RAVER1: variants seen among roughly 807,000 people sequenced by gnomAD.
RAVER1 encodes ribonucleoprotein PTB-binding 1.
In RAVER1, 36 loss-of-function variants were observed where a neutral mutation model predicts 68.4. That is an observed-to-expected ratio of 0.53 (90% confidence interval 0.40 to 0.70). The LOEUF (loss-of-function observed/expected upper bound fraction) is 0.70. Ranked by LOEUF, RAVER1 falls within the 30% of genes least tolerant of loss-of-function variation. The probability of loss-of-function intolerance (pLI) is 0.00; values close to 1 mark genes in which losing one functional copy is unlikely to be tolerated. For missense variants in RAVER1, 933 were observed against 1,019.8 expected (o/e 0.91, Z 1.16); for synonymous variants, 469 against 472.7 (o/e 0.99, Z 0.10).
Position 10,329,533 on chromosome 19 carries a change from C to T in RAVER1, c.287-422G>A, listed in dbSNP as rs1034138595. On this transcript the variant is annotated intron_variant, in intron 2 of 12. Transcript: ENST00000617231. The surrounding 1 kb of genome is among the most constrained non-coding windows in gnomAD (Gnocchi z 4.6). ...CTTAATCATCACAATCACCATTTTG[C>T]CAGAGAGGAAACGGGCCCAGAGCAG... is the stretch of plus-strand genomic sequence containing the variant. Among the ~76,000 whole-genome samples, 8 of 152,080 alleles carry T rather than the reference C, an allele frequency of 5.3e-5. No homozygotes were observed. The highest frequency in any genetic ancestry group is 1.0e-4 in the Non-Finnish European group (7 of 68,002).
chr19:10,321,690 G>T, intron 6 of RAVER1, 72 bp from the exon 7 acceptor site: 1 of 1,254,374 alleles, frequency 8.0e-7, no homozygotes, highest in Non-Finnish European at 1.0e-6. Flanking sequence ...GTGGCCCAGA[G>T]TCTTGGCAGA....
At chr19:10,327,368 A>G (rs781350516) in intron 3 of RAVER1, among the ~76,000 whole-genome samples, 4 of 151,868 alleles carry the variant, frequency 2.6e-5, no homozygotes, top group African/African-American at 2.4e-5. Context: ...GAATCAGGCA[A>G]TCCTCCCACC....
rs750496424 is a variant in RAVER1 at position 10,333,455 on chromosome 19, C to T, written c.53G>A (p.Gly18Glu). Residue 18 changes from glycine to glutamate, a missense_variant, in exon 1 of 13, where the codon GGG becomes GAG. Physicochemically the swap from Gly to Glu is moderately conservative, Grantham distance 98 (BLOSUM62 -2). This residue lies in a region of RAVER1 where 211 missense variants were observed against 230.0 expected (regional missense o/e 0.92). Transcript: ENST00000617231. This position sits in a 1 kb window ranked among gnomAD's most constrained non-coding sequence, Gnocchi z 4.2. ...GGCATCGCCGGCTTCGACTTCGGCCCCAGACTTAGGGCTCAGCGGGGGCCG... is the reference window on the plus strand; with the variant it reads ...GGCATCGCCGGCTTCGACTTCGGCCTCAGACTTAGGGCTCAGCGGGGGCCG... ...THRPPLSPKS[G>E]AEVEAGDAAE... 1.2e-6 allele frequency: 2 copies of T among 1,612,482 alleles called. No homozygotes were observed. The highest frequency in any genetic ancestry group is 1.7e-5 in the Admixed American group (1 of 60,016).
rs764007691 is a variant in RAVER1, at chr19:10,323,285, G to C, written c.949-11C>G. On this transcript the variant is annotated splice_polypyrimidine_tract_variant and intron_variant, in intron 4 of 12. Coordinates refer to ENST00000617231, the MANE Select transcript of RAVER1 (RefSeq NM_133452.3). The surrounding 1 kb of genome is among the most constrained non-coding windows in gnomAD (Gnocchi z 6.2). ...CCCCCGATTGAGGGCCTGCAGGAAG[G>C]AACAGAAGCAGCTCAGAGTGCCGCT... 15 of 1,613,220 alleles carry C rather than the reference G, an allele frequency of 9.3e-6. No individual in the cohort carries two copies. In the East Asian group the frequency reaches 3.3e-4, roughly 36 times the overall value.
At position 10,323,287 on chromosome 19, in the gene RAVER1, A is replaced by G; in HGVS notation, c.949-13T>C. On this transcript the variant is annotated splice_polypyrimidine_tract_variant and intron_variant, in intron 4 of 12. Transcript: ENST00000617231. The surrounding 1 kb of genome is among the most constrained non-coding windows in gnomAD (Gnocchi z 6.2). The stretch of plus-strand genomic sequence containing the variant: ...CCCGATTGAGGGCCTGCAGGAAGGA[A>G]CAGAAGCAGCTCAGAGTGCCGCTGG... 1.9e-6 allele frequency: 3 copies of G among 1,613,252 alleles called. No homozygotes were observed. The highest frequency in any genetic ancestry group is 2.5e-6 in the Non-Finnish European group (3 of 1,179,598).
At chr19:10,332,190 G>A (rs1305537851) in intron 1 of RAVER1, among the ~76,000 whole-genome samples, 3 of 151,988 alleles carry the variant, frequency 2.0e-5, no homozygotes, top group Non-Finnish European at 4.4e-5. Context: ...AGAGATGAGG[G>A]TTTCACTATA....
chr19:10,317,625 C>CG lies in RAVER1; in HGVS notation c.2074-26dup. 1 of 934,648 alleles carries CG rather than the reference C, an allele frequency of 1.1e-6. No individual in the cohort carries two copies. The highest frequency in any genetic ancestry group is 1.6e-6 in the Non-Finnish European group (1 of 630,050). The allele number at this position is 934,648 out of a possible 1,614,324, so 57.9% of individuals were successfully genotyped here. A position where few individuals can be genotyped will look rare whatever the true frequency, so the allele number is the denominator to read the frequency against. ...TCTGGAGACAGAGGGCAGGGCGGGGCGGGTCAGGGGCCGCTGGGGGGCCGG... is the reference window on the plus strand; with the variant it reads ...TCTGGAGACAGAGGGCAGGGCGGGGCGGGGTCAGGGGCCGCTGGGGGGCCGG... On this transcript the variant is annotated intron_variant, in intron 12 of 12. Coordinates refer to ENST00000617231, the MANE Select transcript of RAVER1 (RefSeq NM_133452.3). The surrounding 1 kb of genome is among the most constrained non-coding windows in gnomAD (Gnocchi z 4.3).
At chr19:10,321,714 C>T in intron 6 of RAVER1, 96 bp from the exon 7 acceptor site, 2 of 984,500 alleles carry the variant, frequency 2.0e-6, no homozygotes, top group African/African-American at 1.7e-5. Context: ...ACCCCAACTC[C>T]AGGGCACGGC....
Position 10,322,479 on chromosome 19 carries a change from G to GTCC in RAVER1, c.1173+165_1173+166insGGA. ...TCATGAGCAATTGCCAGAGGGGGAT[G>GTCC]GGGATGTGGGTGGGAAAGGCAGGGG... On this transcript the variant is annotated intron_variant, in intron 6 of 12. Transcript: ENST00000617231. The surrounding 1 kb of genome is among the most constrained non-coding windows in gnomAD (Gnocchi z 4.3). The GTCC allele has an allele frequency of 1.8e-6, 1 of 544,810 alleles. No homozygotes were observed. The allele number at this position is 544,810 out of a possible 1,614,324, so 33.7% of individuals were successfully genotyped here.
At chr19:10,327,920 G>C (rs988823818) in intron 3 of RAVER1, among the ~76,000 whole-genome samples, 1 of 152,192 alleles carries the variant, frequency 6.6e-6, no homozygotes, top group African/African-American at 2.4e-5. Context: ...TGCCTGGCAT[G>C]TGTGGCTTGA....
Position 10,328,727 on chromosome 19 carries a change from C to T in RAVER1, c.671G>A (p.Cys224Tyr). ...GAAGCCAGGTGGCAGGCGGTCCACA[C>T]AGAGGCAGCGGGAGTGGAGAAGGGC... ...TPALLHSRCL[C>Y]VDRLPPGFND... Residue 224 changes from cysteine to tyrosine, a missense_variant, in exon 3 of 13, where the codon TGT (cysteine) becomes TAT (tyrosine). Around this residue, in one of 3 missense-constraint regions of RAVER1, gnomAD observed 699 missense variants for 731.1 expected, o/e 0.96. Coordinates refer to ENST00000617231, the MANE Select transcript of RAVER1 (RefSeq NM_133452.3). The surrounding 1 kb of genome is among the most constrained non-coding windows in gnomAD (Gnocchi z 4.4). 6.2e-7 allele frequency: 1 copy of T among 1,611,818 alleles called. No individual in the cohort carries two copies. Among genetic ancestry groups the T allele is most frequent in the East Asian group, 2.2e-5 (1 of 44,832 alleles).
chr19:10,329,138 G>C lies in RAVER1; in HGVS notation c.287-27C>G, dbSNP rs763206669. The C allele has an allele frequency of 1.3e-5, 18 of 1,387,940 alleles. No individual in the cohort carries two copies. In the Admixed American group the frequency reaches 4.3e-4, roughly 33 times the overall value. The allele number at this position is 1,387,940 out of a possible 1,614,324, so 86.0% of individuals were successfully genotyped here. A position where few individuals can be genotyped will look rare whatever the true frequency, so the allele number is the denominator to read the frequency against. On this transcript the variant is annotated intron_variant, in intron 2 of 12. Coordinates refer to ENST00000617231, the MANE Select transcript of RAVER1 (RefSeq NM_133452.3). The surrounding 1 kb of genome is among the most constrained non-coding windows in gnomAD (Gnocchi z 4.6). ...TGCGGTGGGAGGAGGGCAGTGCGAG[G>C]TCAGCCGGGCCCTGAGGGCCTGCCC...
At chr19:10,326,917 C>A (rs2040479878) in intron 3 of RAVER1, among the ~76,000 whole-genome samples, 1 of 151,214 alleles carries the variant, frequency 6.6e-6, no homozygotes, top group Admixed American at 6.6e-5. Context: ...CAGGCCTGCA[C>A]CACCACACCT....
At position 10,328,586 on chromosome 19, in the gene RAVER1, T is replaced by G. The variant is rs2040490885; in HGVS notation, c.756+56A>C. ...AGAAAAGGCAGATGACTCCAAAGAC[T>G]CTCTCAGGTGCTCCGGGCCTGGCAC... On this transcript the variant is annotated intron_variant, in intron 3 of 12. Coordinates refer to ENST00000617231, the MANE Select transcript of RAVER1 (RefSeq NM_133452.3). The surrounding 1 kb of genome is among the most constrained non-coding windows in gnomAD (Gnocchi z 4.4). 1 of 1,179,324 alleles carries G rather than the reference T, an allele frequency of 8.5e-7. No individual in the cohort carries two copies. The highest frequency in any genetic ancestry group is 1.2e-6 in the Non-Finnish European group (1 of 838,284). 73.1% of individuals were successfully genotyped at this position (1,179,324 alleles called of 1,614,324 possible).
In RAVER1 at chr19:10,333,517, C is replaced by T. The variant is rs755146488; in HGVS notation, c.-10G>A. The stretch of plus-strand genomic sequence containing the variant: ...ACACGTCCGCCGCCATCTTGGGAAA[C>T]CCGGCGCCTTCTGGGACCAGCGAGC... On this transcript the variant is annotated 5_prime_UTR_variant, in exon 1 of 13. Transcript: ENST00000617231. The surrounding 1 kb of genome is among the most constrained non-coding windows in gnomAD (Gnocchi z 4.2). 23 of 1,593,626 alleles carry T rather than the reference C, an allele frequency of 1.4e-5. No individual in the cohort carries two copies. The East Asian group carries it at 4.9e-4, about 34-fold the overall frequency.
chr19:10,332,202 C>T (rs1223346908), intron 1 of RAVER1, among the ~76,000 whole-genome samples: 3 of 152,144 alleles, frequency 2.0e-5, no homozygotes, highest in East Asian at 3.9e-4. Flanking sequence ...TTCACTATAC[C>T]GCCCAGGCTA....
At position 10,329,155 on chromosome 19, in the gene RAVER1, G is replaced by T; in HGVS notation, c.287-44C>A. The T allele has an allele frequency of 8.0e-7, 1 of 1,253,790 alleles. No homozygotes were observed. The highest frequency in any genetic ancestry group is 1.1e-6 in the Non-Finnish European group (1 of 922,314). 77.7% of individuals were successfully genotyped at this position (1,253,790 alleles called of 1,614,324 possible). On this transcript the variant is annotated intron_variant, in intron 2 of 12. Coordinates refer to ENST00000617231, the MANE Select transcript of RAVER1 (RefSeq NM_133452.3). The surrounding 1 kb of genome is among the most constrained non-coding windows in gnomAD (Gnocchi z 4.6). ...AGTGCGAGGTCAGCCGGGCCCTGAG[G>T]GCCTGCCCCTCCACCCCGCCACCCT...
chr19:10,317,767 C>T lies in RAVER1; in HGVS notation c.1996G>A (p.Gly666Ser). ...LKQSHLSKAI[G>S]SSPLGSGEGL... Reference sequence around the variant, plus strand: ...TCTCCGGACCCCAGCGGGGAAGAGCCGATTGCCTGGGAGAAATGGAGAGGT... The same window carrying T: ...TCTCCGGACCCCAGCGGGGAAGAGCTGATTGCCTGGGAGAAATGGAGAGGT... The change falls in exon 12 of 13, where the codon GGC (glycine) becomes AGC (serine). Residue 666 changes from glycine to serine, a missense_variant. Transcript: ENST00000617231. This position sits in a 1 kb window ranked among gnomAD's most constrained non-coding sequence, Gnocchi z 4.3. The T allele has an allele frequency of 6.3e-7, 1 of 1,581,416 alleles. No homozygotes were observed. The highest frequency in any genetic ancestry group is 1.3e-5 in the African/African-American group (1 of 74,464).
At chr19:10,325,345 C>T (rs1284634528) in intron 3 of RAVER1, among the ~76,000 whole-genome samples, 1 of 151,700 alleles carries the variant, frequency 6.6e-6, no homozygotes, top group Non-Finnish European at 1.5e-5. Context: ...CTGCCTCAGC[C>T]TCCCAAATAG....
Sources: gnomAD v4.1 joint callset for allele counts (sites outside exome capture counted in the v4.1 genomes callset) on GRCh38, gnomAD v4.1.1 for gene constraint, gnomAD v4.1.1 regional missense constraint, Gnocchi (gnomAD v3.1) non-coding constraint, MANE v1.5 for transcripts, NCBI Gene and HGNC (gene_info 2026-07-23, HGNC 2026-07-21) for gene names.